The following PRKN variants were observed in gnomAD, a reference collection of about 807,000 sequenced individuals.
PRKN encodes the protein E3 ubiquitin-protein ligase parkin.
A neutral mutation model predicts 59.5 loss-of-function variants in PRKN; 56 were observed. The observed-to-expected ratio is 0.94, with a 90% CI of 0.76 to 1.18. The LOEUF is 1.18. Among genes scored for constraint, PRKN ranks in the 50% most tolerant of loss-of-function variants. PRKN has a pLI of 0.00. For synonymous variants in PRKN, 250 were observed against 222.1 expected (o/e 1.13, Z -1.12); for missense variants, 657 against 596.4 (o/e 1.10, Z -1.06).
intron 9 of PRKN, among the ~76,000 whole-genome samples, chr6:161,505,665 C>T (rs1441853037): frequency 1.4e-5 from 2 of 138,054 alleles, no homozygotes; most frequent in Admixed American, 7.1e-5. Context: ...TTAGGTCTAA[C>T]GTTTAAGTCT....
intron 4 of PRKN, among the ~76,000 whole-genome samples, chr6:162,069,538 T>C (rs980032803): frequency 4.6e-5 from 7 of 152,204 alleles, no homozygotes; most frequent in Non-Finnish European, 8.8e-5. Flanking sequence ...AACAGAAACA[T>C]GTCTTGCTTT....
rs943990805 is a variant in PRKN, at chr6:161,379,144, G to C, written c.1167+7650C>G. ...ATGGGAAGAATGCATTTGGCACCCAGGTGGTTCACTGTGGCATCTCTTGGT... is the reference window on the plus strand; with the variant it reads ...ATGGGAAGAATGCATTTGGCACCCACGTGGTTCACTGTGGCATCTCTTGGT... On this transcript the variant is annotated intron_variant, in intron 10 of 11. Transcript: ENST00000366898. The surrounding 1 kb of genome is among the most constrained non-coding windows in gnomAD (Gnocchi z 4.9). Among the ~76,000 whole-genome samples, 13 of 152,100 alleles carry C rather than the reference G, an allele frequency of 8.5e-5. No individual in the cohort carries two copies. The highest frequency in any genetic ancestry group is 6.5e-4 in the Admixed American group (10 of 15,274).
chr6:161,629,403 C>A (rs12211755), intron 7 of PRKN, among the ~76,000 whole-genome samples: 1 of 151,852 alleles, frequency 6.6e-6, no homozygotes, highest in Non-Finnish European at 1.5e-5. Flanking sequence ...TCCCCTGCAC[C>A]CCGGCAGTTG....
At chr6:162,486,062 G>C (rs1338457620) in intron 1 of PRKN, among the ~76,000 whole-genome samples, 2 of 152,004 alleles carry the variant, frequency 1.3e-5, no homozygotes, top group African/African-American at 2.4e-5. Context: ...AAAATGAATT[G>C]CTCTTTTATT....
chr6:162,565,230 C>G (rs1005035489), intron 1 of PRKN, among the ~76,000 whole-genome samples: 5 of 151,902 alleles, frequency 3.3e-5, no homozygotes, highest in African/African-American at 1.2e-4. Context: ...AAACAACACA[C>G]AGTGGAGACA....
chr6:161,382,111 C>CAAAAAAAAAAAAAAAA (rs59174358), intron 10 of PRKN, among the ~76,000 whole-genome samples: 4 of 46,274 alleles, frequency 8.6e-5, no homozygotes, highest in African/African-American at 2.0e-4. Flanking sequence ...GACTCCATCT[C>CAAAAAAAAAAAAAAAA]AAAAAAAAAA....
At chr6:162,631,381 A>G (rs950539466) in intron 1 of PRKN, among the ~76,000 whole-genome samples, 2 of 152,218 alleles carry the variant, frequency 1.3e-5, no homozygotes, top group Non-Finnish European at 2.9e-5. Context: ...AAACTGCAAT[A>G]CTAACTCTGC....
At chr6:161,908,095 A>G (rs921845410) in intron 6 of PRKN, among the ~76,000 whole-genome samples, 9 of 113,316 alleles carry the variant, frequency 7.9e-5, no homozygotes, top group Non-Finnish European at 1.2e-4. Context: ...CAACAACGAC[A>G]ACAACAACAA....
rs181760337 is a variant in PRKN at position 161,798,107 on chromosome 6, G to T, written c.735-12199C>A. ...TCCCAGCTACTTGGGAGGCTAAGGC[G>T]GGAGAATGGCTTGAACTCAGGAGGC... is the stretch of plus-strand genomic sequence containing the variant. On this transcript the variant is annotated intron_variant, in intron 6 of 11. Coordinates refer to ENST00000366898, the MANE Select transcript of PRKN (RefSeq NM_004562.3). Among the ~76,000 whole-genome samples the T allele has an allele frequency of 3.4e-3, 522 of 152,204 alleles. 2 individuals are homozygous for T. Among genetic ancestry groups the T allele is most frequent in the African/African-American group, 0.012 (495 of 41,546 alleles).
At chr6:162,176,293 G>A (rs1193284155) in intron 4 of PRKN, among the ~76,000 whole-genome samples, 2 of 152,140 alleles carry the variant, frequency 1.3e-5, no homozygotes, top group Non-Finnish European at 2.9e-5. Flanking sequence ...TAAGTTGGTT[G>A]AGGCTAATTT....
At chr6:162,007,576 T>C (rs1431870343) in intron 5 of PRKN, among the ~76,000 whole-genome samples, 9 of 152,156 alleles carry the variant, frequency 5.9e-5, no homozygotes, top group Non-Finnish European at 1.3e-4. Context: ...AAACCGTTGA[T>C]GGCAGAATCA....
At chr6:162,119,320 G>A (rs1342535832) in intron 4 of PRKN, among the ~76,000 whole-genome samples, 1 of 152,194 alleles carries the variant, frequency 6.6e-6, no homozygotes, top group Non-Finnish European at 1.5e-5. Context: ...AAAGGACTGT[G>A]AATAAGCTGC....
intron 5 of PRKN, among the ~76,000 whole-genome samples, chr6:161,979,772 T>C (rs974762624): frequency 2.0e-5 from 3 of 152,030 alleles, no homozygotes; most frequent in Non-Finnish European, 4.4e-5. Context: ...ATCAGACCCA[T>C]ACAAATCAAA....
rs755695572 is a variant in PRKN, at chr6:162,304,531, CTATCTATCTATCTATT to C, written c.172-41782_172-41767del. Among the ~76,000 whole-genome samples the C allele has an allele frequency of 7.8e-3, 1,038 of 133,242 alleles. 35 individuals carry two copies. The highest frequency in any genetic ancestry group is 0.016 in the Middle Eastern group (4 of 258). 87.4% of individuals were successfully genotyped at this position (133,242 alleles called of 152,430 possible). ...TCTATCTATCTATCTATCTATCTATCTATCTATCTATCTATTTATCCATCTGTCCATTTATCTATCT... is the reference window on the plus strand; with the variant it reads ...TCTATCTATCTATCTATCTATCTATCTATCCATCTGTCCATTTATCTATCT... On this transcript the variant is annotated intron_variant, in intron 2 of 11. Coordinates refer to ENST00000366898, the MANE Select transcript of PRKN (RefSeq NM_004562.3).
chr6:161,947,196 C>G (rs1779814615), intron 6 of PRKN, among the ~76,000 whole-genome samples: 1 of 151,672 alleles, frequency 6.6e-6, no homozygotes, highest in Admixed American at 6.6e-5. Context: ...TTTTTACAGC[C>G]ATAGATAAAA....
intron 1 of PRKN, among the ~76,000 whole-genome samples, chr6:162,688,180 T>C (rs1407813348): frequency 1.3e-5 from 2 of 152,166 alleles, no homozygotes. Context: ...GACATAACAC[T>C]GACTGAAAAA....
intron 3 of PRKN, among the ~76,000 whole-genome samples, chr6:162,210,654 A>T (rs1404216874): frequency 6.6e-6 from 1 of 152,188 alleles, no homozygotes; most frequent in Non-Finnish European, 1.5e-5. Context: ...ACCCTGATGG[A>T]AAGTCCCAAA....
chr6:161,761,491 C>T (rs1429644943), intron 7 of PRKN, among the ~76,000 whole-genome samples: 2 of 152,176 alleles, frequency 1.3e-5, no homozygotes, highest in African/African-American at 2.4e-5. Flanking sequence ...GCACAAGTTA[C>T]AGTCAGAAAT....
intron 1 of PRKN, among the ~76,000 whole-genome samples, chr6:162,519,005 T>C (rs1006996580): frequency 5.3e-5 from 8 of 152,014 alleles, no homozygotes; most frequent in Non-Finnish European, 7.4e-5. Context: ...CCTAGCACTT[T>C]AGGAAAATAT....
Sources: allele counts gnomAD v4.1 joint callset (sites outside exome capture counted in the v4.1 genomes callset), GRCh38; gene constraint gnomAD v4.1.1; non-coding constraint Gnocchi (gnomAD v3.1); transcripts MANE v1.5; gene names NCBI Gene and HGNC (gene_info 2026-07-23, HGNC 2026-07-21).